MYT1L: variants seen among roughly 807,000 people sequenced by gnomAD.
MYT1L encodes the protein myelin transcription factor 1-like protein.
Under a neutral mutation model 126.7 loss-of-function variants are expected in MYT1L, and 12 were observed. That is an observed-to-expected ratio of 0.09 (90% CI 0.06 to 0.15). The LOEUF is 0.15. Among genes scored for constraint, MYT1L ranks in the 10% least tolerant of loss-of-function variants. The probability of loss-of-function intolerance (pLI) is 1.00; values close to 1 mark genes in which losing one functional copy is unlikely to be tolerated. For synonymous variants in MYT1L, 541 were observed against 604.2 expected (o/e 0.90, Z 1.53); for missense variants, 979 against 1,585.2 (o/e 0.62, Z 6.49).
chr2:2,074,256 T>C (rs1259060644), intron 3 of MYT1L, among the ~76,000 whole-genome samples: 1 of 152,234 alleles, frequency 6.6e-6, no homozygotes, highest in Non-Finnish European at 1.5e-5. Flanking sequence ...CCACTTTTAT[T>C]TCTGGTTTCA....
At chr2:1,938,179 T>C (rs1332018567) in intron 9 of MYT1L, among the ~76,000 whole-genome samples, 1 of 152,236 alleles carries the variant, frequency 6.6e-6, no homozygotes, top group Non-Finnish European at 1.5e-5. Flanking sequence ...AGATGCAATG[T>C]CTGCTATAAA....
chr2:2,110,442 A>G (rs2079283010), intron 3 of MYT1L, among the ~76,000 whole-genome samples: 1 of 151,938 alleles, frequency 6.6e-6, no homozygotes, highest in Admixed American at 6.6e-5. Flanking sequence ...TTCTGTTTTT[A>G]CCACTTCAGA....
At chr2:1,905,483 A>G (rs1225229985) in intron 13 of MYT1L, among the ~76,000 whole-genome samples, 1 of 151,830 alleles carries the variant, frequency 6.6e-6, no homozygotes, top group African/African-American at 2.4e-5. Context: ...CCTCCTGAGT[A>G]GCTGGGATTA....
chr2:1,920,308 C>G lies in MYT1L; in HGVS notation c.1483+1978G>C, dbSNP rs117945447. ...CCATTTTCTTGCAAACAAAACAAAA[C>G]AACAAAACAAAAAACAAAACGAGTC... On this transcript the variant is annotated intron_variant, in intron 10 of 24. Coordinates refer to ENST00000647738, the MANE Select transcript of MYT1L (RefSeq NM_001303052.2). Among the ~76,000 whole-genome samples, 609 of 152,234 alleles carry G rather than the reference C, an allele frequency of 4.0e-3. 15 individuals carry two copies. In the East Asian group the frequency reaches 0.075, roughly 19 times the overall value.
At chr2:2,085,997 T>C (rs937758726) in intron 3 of MYT1L, among the ~76,000 whole-genome samples, 1 of 152,242 alleles carries the variant, frequency 6.6e-6, no homozygotes, top group Admixed American at 6.5e-5. Context: ...GTATTTCTTA[T>C]AAAAATTCTG....
At chr2:2,120,831 A>C (rs780937516) in intron 3 of MYT1L, among the ~76,000 whole-genome samples, 1 of 151,084 alleles carries the variant, frequency 6.6e-6, no homozygotes, top group Non-Finnish European at 1.5e-5. Flanking sequence ...GAACCGTGCA[A>C]TACCTCGCTC....
intron 3 of MYT1L, among the ~76,000 whole-genome samples, chr2:2,092,935 T>A (rs1267618817): frequency 6.6e-6 from 1 of 152,210 alleles, no homozygotes; most frequent in Non-Finnish European, 1.5e-5. Flanking sequence ...AGGTGTGTGC[T>A]GGGCAGCTCA....
intron 3 of MYT1L, among the ~76,000 whole-genome samples, chr2:2,144,592 T>G (rs1575470661): frequency 6.6e-6 from 1 of 152,182 alleles, no homozygotes; most frequent in East Asian, 1.9e-4. Flanking sequence ...CGGCAGACAC[T>G]TTAGGTGCTG....
At chr2:1,933,734 T>C (rs1216803105) in intron 9 of MYT1L, among the ~76,000 whole-genome samples, 5 of 152,116 alleles carry the variant, frequency 3.3e-5, no homozygotes, top group African/African-American at 1.2e-4. Flanking sequence ...AGTGCCCAGG[T>C]GTGCTATAGA....
chr2:2,031,436 A>G (rs1253062163), intron 4 of MYT1L, among the ~76,000 whole-genome samples: 2 of 148,664 alleles, frequency 1.3e-5, no homozygotes, highest in Non-Finnish European at 3.0e-5. Context: ...AGATTCTAGA[A>G]GGAGGGCCTT....
intron 2 of MYT1L, among the ~76,000 whole-genome samples, chr2:2,221,623 G>A (rs7572542): frequency 1.1e-4 from 16 of 152,300 alleles, no homozygotes; most frequent in South Asian, 6.3e-4. Context: ...CTTGCACAGC[G>A]GGAGACGCCG....
chr2:1,999,215 A>G (rs546888567), intron 4 of MYT1L, among the ~76,000 whole-genome samples: 17 of 152,344 alleles, frequency 1.1e-4, no homozygotes, highest in African/African-American at 4.1e-4. Context: ...CCAATTTATT[A>G]ATATACATTT....
At chr2:2,021,113 T>C (rs1352756393) in intron 4 of MYT1L, among the ~76,000 whole-genome samples, 3 of 151,732 alleles carry the variant, frequency 2.0e-5, no homozygotes, top group Non-Finnish European at 4.4e-5. Context: ...TTTAGAAGGG[T>C]GGGGAGCTTA....
chr2:2,295,585 C>CAG lies in MYT1L; in HGVS notation c.-520-11084_-520-11083dup, dbSNP rs2095663885. On this transcript the variant is annotated intron_variant, in intron 1 of 24. Transcript: ENST00000647738. Reference sequence around the variant, plus strand: ...ACAGACAGAGAGAGAGAGAGAGAGACAGACAGACAGAGAGAGAGACAGACA... The same window carrying CAG: ...ACAGACAGAGAGAGAGAGAGAGAGACAGAGACAGACAGAGAGAGAGACAGACA... Among the ~76,000 whole-genome samples the CAG allele has an allele frequency of 5.9e-4, 30 of 50,482 alleles. 10 individuals carry two copies. The South Asian group carries it at 0.015, about 25-fold the overall frequency. The allele number at this position is 50,482 out of a possible 152,430, so 33.1% of individuals were successfully genotyped here.
chr2:2,162,658 C>T (rs1003887676), intron 3 of MYT1L, among the ~76,000 whole-genome samples: 1 of 152,350 alleles, frequency 6.6e-6, no homozygotes, highest in East Asian at 1.9e-4. Context: ...CTGGAAGACT[C>T]AGATTCCGCA....
chr2:1,943,316 C>A lies in MYT1L; in HGVS notation c.171G>T (p.Leu57Phe). Residue 57 changes from leucine (L) to phenylalanine (F), a missense_variant, in exon 9 of 25, where the codon TTG becomes TTT. Around this residue, in one of 12 missense-constraint regions of MYT1L, gnomAD observed 12 missense variants for 34.6 expected, o/e 0.35. Transcript: ENST00000647738. This position sits in a 1 kb window ranked among gnomAD's most constrained non-coding sequence, Gnocchi z 4.4. ...ARHRSVYGCP[L>F]AKKRKTQDKQ... Reference sequence around the variant, plus strand: ...TATCTTGTGTTTTTCTTTTTTTCGCCAAGGGACAACCATATACACTAATTA... The same window carrying A: ...TATCTTGTGTTTTTCTTTTTTTCGCAAAGGGACAACCATATACACTAATTA... 6.4e-7 allele frequency: 1 copy of A among 1,572,428 alleles called. No homozygotes were observed. The highest frequency in any genetic ancestry group is 2.3e-5 in the East Asian group (1 of 43,246).
At chr2:2,273,214 T>C (rs1484592643) in intron 2 of MYT1L, among the ~76,000 whole-genome samples, 2 of 152,170 alleles carry the variant, frequency 1.3e-5, no homozygotes. Flanking sequence ...TCGCAGGACC[T>C]TTCGGCCCTG....
chr2:2,270,677 C>T (rs2095245146), intron 2 of MYT1L, among the ~76,000 whole-genome samples: 1 of 151,940 alleles, frequency 6.6e-6, no homozygotes, highest in African/African-American at 2.4e-5. Flanking sequence ...TTAAGTGTGG[C>T]CATAAAAGGA....
At chr2:2,075,495 T>C (rs1444159709) in intron 3 of MYT1L, among the ~76,000 whole-genome samples, 1 of 152,188 alleles carries the variant, frequency 6.6e-6, no homozygotes, top group Non-Finnish European at 1.5e-5. Flanking sequence ...GGAATGTTCA[T>C]TCTGGTAGGG....
Sources: allele counts gnomAD v4.1 joint callset (sites outside exome capture counted in the v4.1 genomes callset), GRCh38; gene constraint gnomAD v4.1.1; regional missense constraint gnomAD v4.1.1; non-coding constraint Gnocchi (gnomAD v3.1); transcripts MANE v1.5; gene names NCBI Gene and HGNC (gene_info 2026-07-23, HGNC 2026-07-21).